The following DYM variants were observed in gnomAD, a reference collection of about 807,000 sequenced individuals.
DYM encodes dymeclin, also known as dyggve-Melchior-Clausen syndrome protein.
DYM carries 78 observed loss-of-function variants against 93.1 expected under a neutral mutation model. The ratio of observed to expected loss-of-function variants is 0.84; its 90% CI spans 0.70 to 1.01. The LOEUF (loss-of-function observed/expected upper bound fraction) is 1.01, where lower values mean the gene tolerates loss of function less well. Ranked by LOEUF, DYM falls within the 50% of genes least tolerant of loss-of-function variation. The pLI is 0.00. For synonymous variants in DYM, 321 were observed against 319.7 expected, an observed-to-expected ratio of 1.00 and a Z score of -0.04; for missense variants, 789 against 845.0, an observed-to-expected ratio of 0.93 and a Z score of 0.82.
intron 17 of DYM, among the ~76,000 whole-genome samples, chr18:49,095,447 G>GTTTTTT (rs202172264): frequency 2.1e-5 from 3 of 142,472 alleles, no homozygotes; most frequent in Non-Finnish European, 1.5e-5. Flanking sequence ...TGGTGATAGT[G>GTTTTTT]TTTTTTTTTT....
chr18:49,105,355 C>A, intron 16 of DYM, among the ~76,000 whole-genome samples: 2 of 152,126 alleles, frequency 1.3e-5, no homozygotes, highest in Non-Finnish European at 2.9e-5. Context: ...TTTCAAAAAA[C>A]CAGCTCCTGG....
intron 14 of DYM, among the ~76,000 whole-genome samples, chr18:49,172,779 T>C (rs1467836100): frequency 6.6e-6 from 1 of 152,158 alleles, no homozygotes; most frequent in Non-Finnish European, 1.5e-5. Flanking sequence ...AATTTTAAAT[T>C]TGATGAAATT....
chr18:49,430,187 T>TA, intron 2 of DYM, 68 bp downstream of exon 2: 1 of 1,487,992 alleles, frequency 6.7e-7, no homozygotes, highest in Non-Finnish European at 9.4e-7. Flanking sequence ...AATTTTTTTT[T>TA]AATCAGCATA....
intron 13 of DYM, among the ~76,000 whole-genome samples, chr18:49,251,282 A>G (rs1030692763): frequency 2.0e-5 from 3 of 152,218 alleles, no homozygotes; most frequent in South Asian, 2.1e-4. Flanking sequence ...CTACTGGCAT[A>G]GTGTGGGTGA....
At chr18:49,332,863 T>G (rs2063407195) in intron 7 of DYM, among the ~76,000 whole-genome samples, 1 of 152,212 alleles carries the variant, frequency 6.6e-6, no homozygotes, top group African/African-American at 2.4e-5. Flanking sequence ...TCAGCAAAGA[T>G]GCACACAGTC....
At chr18:49,051,872 C>T (rs74489351) in intron 17 of DYM, among the ~76,000 whole-genome samples, 25 of 152,280 alleles carry the variant, frequency 1.6e-4, no homozygotes, top group Admixed American at 1.1e-3. Context: ...ACTGAAAGAG[C>T]GGGTAGAGAG....
At chr18:49,177,133 G>T (rs989754583) in intron 14 of DYM, among the ~76,000 whole-genome samples, 1 of 152,064 alleles carries the variant, frequency 6.6e-6, no homozygotes, top group Non-Finnish European at 1.5e-5. Flanking sequence ...AATTGGGATC[G>T]AAATAACATT....
chr18:49,417,893 T>A (rs2073170024), intron 2 of DYM: 2 of 151,946 alleles, frequency 1.3e-5, no homozygotes, highest in South Asian at 4.1e-4. Context: ...AAACCCCATC[T>A]CTACCAAAAA....
At chr18:49,385,448 C>T (rs1009378829) in intron 3 of DYM, among the ~76,000 whole-genome samples, 3 of 152,166 alleles carry the variant, frequency 2.0e-5, no homozygotes, top group Admixed American at 6.5e-5. Context: ...GTAATCCCAG[C>T]ACTTCGAAGG....
chr18:49,169,403 C>A (rs1457662468), intron 14 of DYM, among the ~76,000 whole-genome samples: 1 of 152,186 alleles, frequency 6.6e-6, no homozygotes, highest in East Asian at 1.9e-4. Flanking sequence ...AACAGCACTG[C>A]ACGTGCATCA....
intron 17 of DYM, among the ~76,000 whole-genome samples, chr18:49,058,434 C>T (rs1044924549): frequency 2.6e-5 from 4 of 151,960 alleles, no homozygotes; most frequent in African/African-American, 9.7e-5. Context: ...ATCCTCCCAC[C>T]TCAGCTTCCT....
At chr18:49,268,154 T>A in intron 11 of DYM, among the ~76,000 whole-genome samples, 1 of 152,118 alleles carries the variant, frequency 6.6e-6, no homozygotes, top group East Asian at 1.9e-4. Context: ...TATTAAGAAA[T>A]GCAAATTCAA....
chr18:49,297,861 A>C (rs1212173525), intron 8 of DYM, among the ~76,000 whole-genome samples: 1 of 152,192 alleles, frequency 6.6e-6, no homozygotes, highest in East Asian at 1.9e-4. Flanking sequence ...ATTAAAGGGC[A>C]TAATCCTCAA....
intron 15 of DYM, among the ~76,000 whole-genome samples, chr18:49,140,217 C>T (rs575926471): frequency 6.6e-6 from 1 of 152,282 alleles, no homozygotes; most frequent in Non-Finnish European, 1.5e-5. Context: ...TACACACACA[C>T]AGTTGTCATC....
At chr18:49,340,612 C>T (rs1486769724) in intron 6 of DYM, among the ~76,000 whole-genome samples, 1 of 152,144 alleles carries the variant, frequency 6.6e-6, no homozygotes, top group Non-Finnish European at 1.5e-5. Context: ...CCAAATTCAA[C>T]CCTATGTCTG....
At chr18:49,393,308 AT>A (rs1396520578) in intron 2 of DYM, among the ~76,000 whole-genome samples, 8 of 152,192 alleles carry the variant, frequency 5.3e-5, no homozygotes, top group Non-Finnish European at 5.9e-5. Context: ...ATCCGGGTAG[AT>A]ACCCAAAAGA....
In DYM at chr18:49,075,165, C is replaced by T. The variant is rs186901773; in HGVS notation, c.2025+22237G>A. 2.6e-5 allele frequency among the ~76,000 whole-genome samples: 4 copies of T among 152,246 alleles called. 1 individual carries two copies. The highest frequency in any genetic ancestry group is 2.0e-4 in the Admixed American group (3 of 15,304). Reference sequence around the variant, plus strand: ...TAGACAATCAGTAAGGACCCATAACCCTAAGGACCTCAAGTACTTATGATG... The same window carrying T: ...TAGACAATCAGTAAGGACCCATAACTCTAAGGACCTCAAGTACTTATGATG... On this transcript the variant is annotated intron_variant, in intron 17 of 17. Transcript: ENST00000675505.
At chr18:49,456,967 T>G (rs1224290419) in intron 1 of DYM, among the ~76,000 whole-genome samples, 2 of 152,170 alleles carry the variant, frequency 1.3e-5, no homozygotes, top group Admixed American at 6.5e-5. Flanking sequence ...TGAAACCCAC[T>G]AGGAAACAGG....
intron 1 of DYM, among the ~76,000 whole-genome samples, chr18:49,448,931 A>C (rs1249727982): frequency 6.6e-6 from 1 of 152,208 alleles, no homozygotes; most frequent in East Asian, 1.9e-4. Flanking sequence ...TAATTCCCCA[A>C]AATGAGAGAA....
Sources: gnomAD v4.1 joint callset for allele counts (sites outside exome capture counted in the v4.1 genomes callset) on GRCh38, gnomAD v4.1.1 for gene constraint, MANE v1.5 for transcripts, NCBI Gene and HGNC (gene_info 2026-07-23, HGNC 2026-07-21) for gene names.